Variants in CADM1 observed in about 807,000 individuals in gnomAD.
CADM1 encodes cell adhesion molecule 1.
In CADM1, 15 loss-of-function variants were observed where a neutral mutation model predicts 53.1. The ratio of observed to expected loss-of-function variants is 0.28; its 90% CI spans 0.19 to 0.44. The LOEUF (loss-of-function observed/expected upper bound fraction) is 0.44, where lower values mean the gene tolerates loss of function less well. Among genes scored for constraint, CADM1 ranks in the 20% least tolerant of loss-of-function variants. The pLI, the probability that CADM1 is intolerant of heterozygous loss-of-function variation, is 1.00. For synonymous variants in CADM1, 281 were observed against 243.0 expected (o/e 1.16, Z -1.45); for missense variants, 434 against 611.3 (o/e 0.71, Z 3.06).
chr11:115,281,547 T>A (rs1484755374), intron 1 of CADM1, among the ~76,000 whole-genome samples: 2 of 152,252 alleles, frequency 1.3e-5, no homozygotes. Context: ...TTAAAAATCG[T>A]GTGATCCAGC....
chr11:115,268,362 A>G (rs2135038793), intron 1 of CADM1, among the ~76,000 whole-genome samples: 1 of 152,336 alleles, frequency 6.6e-6, no homozygotes, highest in Admixed American at 6.5e-5. Flanking sequence ...GTTGCTGGAC[A>G]ATGCTAGAGG....
intron 10 of CADM1, among the ~76,000 whole-genome samples, chr11:115,180,664 G>A (rs1391787995): frequency 6.6e-6 from 1 of 151,730 alleles, no homozygotes; most frequent in Admixed American, 6.6e-5. Context: ...GACAAAGCTC[G>A]TTGAAGGGGA....
At chr11:115,276,489 C>T (rs984876444) in intron 1 of CADM1, among the ~76,000 whole-genome samples, 1 of 152,124 alleles carries the variant, frequency 6.6e-6, no homozygotes, top group African/African-American at 2.4e-5. Context: ...GACAAAGCGG[C>T]GTGGAGACAG....
intron 1 of CADM1, among the ~76,000 whole-genome samples, chr11:115,412,412 C>A (rs186992043): frequency 2.4e-3 from 368 of 152,206 alleles, no homozygotes; most frequent in South Asian, 3.7e-3. Context: ...CCCAGGCTAG[C>A]CTTGACTAGC....
intron 10 of CADM1, among the ~76,000 whole-genome samples, chr11:115,185,378 A>C (rs1159384865): frequency 6.6e-6 from 1 of 152,224 alleles, no homozygotes; most frequent in Non-Finnish European, 1.5e-5. Context: ...GAATTGACAA[A>C]CTGTGTAACT....
chr11:115,338,891 A>ATTTTTTTTTTTTTT, intron 1 of CADM1, among the ~76,000 whole-genome samples: 1 of 65,674 alleles, frequency 1.5e-5, no homozygotes, highest in Non-Finnish European at 3.6e-5. Context: ...TTTTTTTTTT[A>ATTTTTTTTTTTTTT]ATTTTTTTTT....
intron 1 of CADM1, among the ~76,000 whole-genome samples, chr11:115,497,799 G>T (rs314478): frequency 6.6e-6 from 1 of 151,826 alleles, no homozygotes; most frequent in Non-Finnish European, 1.5e-5. Context: ...TTTTCTTGTG[G>T]CCTGGTCAAC....
At chr11:115,377,710 G>A (rs750602500) in intron 1 of CADM1, 9 of 151,988 alleles carry the variant, frequency 5.9e-5, no homozygotes, top group African/African-American at 9.7e-5. Flanking sequence ...ATTTTTTTCT[G>A]AATGAATCTA....
At chr11:115,435,155 C>T (rs1948155305) in intron 1 of CADM1, among the ~76,000 whole-genome samples, 1 of 152,060 alleles carries the variant, frequency 6.6e-6, no homozygotes, top group Non-Finnish European at 1.5e-5. Flanking sequence ...GCCACTGTGC[C>T]TGGCCCTCTT....
At position 115,386,150 on chromosome 11, in the gene CADM1, T is replaced by A. The variant is rs550241463; in HGVS notation, c.124+118121A>T. On this transcript the variant is annotated intron_variant, in intron 1 of 11. Transcript: ENST00000331581. ...TGGCAGTTCATTAAGTCATTCAGGA[T>A]TAACTGTTGTGAGTCCATCATTCCA... is the stretch of plus-strand genomic sequence containing the variant. Among the ~76,000 whole-genome samples the A allele has an allele frequency of 9.8e-5, 15 of 152,364 alleles. No individual in the cohort carries two copies. The South Asian group carries it at 3.1e-3, about 32-fold the overall frequency.
At chr11:115,395,646 C>T (rs902973872) in intron 1 of CADM1, among the ~76,000 whole-genome samples, 5 of 152,084 alleles carry the variant, frequency 3.3e-5, no homozygotes, top group African/African-American at 4.8e-5. Context: ...CGCCAGCAAT[C>T]GGAGATGTTT....
intron 1 of CADM1, among the ~76,000 whole-genome samples, chr11:115,378,739 TG>T (rs1946502025): frequency 6.6e-6 from 1 of 152,190 alleles, no homozygotes; most frequent in African/African-American, 2.4e-5. Flanking sequence ...AAAGTTTTAT[TG>T]GAACATAGCC....
chr11:115,425,394 A>G (rs1947864211), intron 1 of CADM1, among the ~76,000 whole-genome samples: 1 of 152,246 alleles, frequency 6.6e-6, no homozygotes, highest in African/African-American at 2.4e-5. Context: ...TTTTAATAAC[A>G]TGCCAAGCCA....
intron 1 of CADM1, among the ~76,000 whole-genome samples, chr11:115,489,373 T>C (rs371215022): frequency 8.5e-5 from 13 of 152,310 alleles, no homozygotes; most frequent in African/African-American, 3.1e-4. Flanking sequence ...ATTAAATTCA[T>C]AGACACTAAG....
At chr11:115,338,892 A>ATTTTTTTTTTTTTTTTTTTTTTTTTTTAT (rs10577568) in intron 1 of CADM1, among the ~76,000 whole-genome samples, 2 of 132,734 alleles carry the variant, frequency 1.5e-5, no homozygotes, top group African/African-American at 2.9e-5. Flanking sequence ...TTTTTTTTTA[A>ATTTTTTTTTTTTTTTTTTTTTTTTTTTAT]TTTTTTTTTT....
intron 1 of CADM1, among the ~76,000 whole-genome samples, chr11:115,360,574 C>T (rs1034519460): frequency 7.9e-5 from 12 of 152,168 alleles, no homozygotes; most frequent in Non-Finnish European, 1.5e-4. Context: ...AGATACATTT[C>T]CTGTTGAAAT....
intron 1 of CADM1, among the ~76,000 whole-genome samples, chr11:115,265,404 C>A (rs1302263126): frequency 6.6e-6 from 1 of 152,116 alleles, no homozygotes; most frequent in Non-Finnish European, 1.5e-5. Context: ...ACAGGCTATG[C>A]CAAATCTGGG....
At chr11:115,249,688 C>CAA (rs1565323980) in intron 1 of CADM1, among the ~76,000 whole-genome samples, 1 of 152,118 alleles carries the variant, frequency 6.6e-6, no homozygotes, top group Admixed American at 6.5e-5. Flanking sequence ...TCTTAGTAGC[C>CAA]AAACTACTTA....
At chr11:115,252,633 C>T (rs1271659026) in intron 1 of CADM1, among the ~76,000 whole-genome samples, 1 of 152,070 alleles carries the variant, frequency 6.6e-6, no homozygotes, top group Non-Finnish European at 1.5e-5. Context: ...GGGTTTCCTC[C>T]CTTTCTGTAT....
Sources: gnomAD v4.1 joint callset for allele counts (sites outside exome capture counted in the v4.1 genomes callset) on GRCh38, gnomAD v4.1.1 for gene constraint, MANE v1.5 for transcripts, NCBI Gene and HGNC (gene_info 2026-07-23, HGNC 2026-07-21) for gene names.